The following DGLUCY variants were observed in gnomAD, a reference collection of about 807,000 sequenced individuals.
The protein encoded by DGLUCY is D-glutamate cyclase, mitochondrial.
In DGLUCY, 58 loss-of-function variants were observed where a neutral mutation model predicts 58.5. The ratio of observed to expected loss-of-function variants is 0.99; its 90% confidence interval spans 0.80 to 1.23. The LOEUF is 1.23. Ranked by LOEUF, DGLUCY falls within the 50% of genes most tolerant of loss-of-function variation. The pLI is 0.00. For synonymous variants in DGLUCY, 325 were observed against 314.1 expected (o/e 1.03, Z -0.37); for missense variants, 779 against 784.7 (o/e 0.99, Z 0.09).
At chr14:91,131,505 T>C (rs1017722598) in intron 1 of DGLUCY, among the ~76,000 whole-genome samples, 3 of 152,104 alleles carry the variant, frequency 2.0e-5, no homozygotes, top group Admixed American at 2.0e-4. Context: ...GTAGGGTACA[T>C]GTGCACAACG....
In DGLUCY at chr14:91,188,944, T is replaced by A; in HGVS notation, c.969T>A (p.Asp323Glu). 1 of 1,614,236 alleles carries A rather than the reference T, an allele frequency of 6.2e-7. No homozygotes were observed. The highest frequency in any genetic ancestry group is 8.5e-7 in the Non-Finnish European group (1 of 1,180,042). The change falls in exon 9 of 14, where the codon GAT (aspartate) becomes GAA (glutamate). Residue 323 changes from aspartate (D) to glutamate (E), a missense_variant. Transcript: ENST00000256324. ...NRGIGHLLCK[D>E]ELLKASLSLS... ...GGATTGGGCACCTGCTCTGTAAAGA[T>A]GAGCTGCTGAAGGCCTCTCTCTCGC...
intron 1 of DGLUCY, among the ~76,000 whole-genome samples, chr14:91,082,077 G>A (rs1178859154): frequency 6.6e-6 from 1 of 152,148 alleles, no homozygotes; most frequent in African/African-American, 2.4e-5. Context: ...CACAGGCTCT[G>A]GGGATTAGGA....
chr14:91,081,052 A>C (rs1482009946), intron 1 of DGLUCY, among the ~76,000 whole-genome samples: 1 of 152,144 alleles, frequency 6.6e-6, no homozygotes, highest in East Asian at 1.9e-4. Flanking sequence ...AAATACAAAA[A>C]ATTAGCTGGG....
intron 1 of DGLUCY, among the ~76,000 whole-genome samples, chr14:91,108,887 G>A (rs1047772500): frequency 3.3e-5 from 5 of 152,150 alleles, no homozygotes; most frequent in African/African-American, 9.7e-5. Context: ...TATTGGGGAC[G>A]ATTGGTCTAG....
At chr14:91,160,806 C>T (rs895411602) in intron 3 of DGLUCY, among the ~76,000 whole-genome samples, 10 of 152,088 alleles carry the variant, frequency 6.6e-5, no homozygotes, top group African/African-American at 2.4e-4. Context: ...CACCCATTTC[C>T]CTACTGTCTC....
chr14:91,104,342 G>A (rs184766961), upstream of DGLUCY, among the ~76,000 whole-genome samples: 97 of 152,026 alleles, frequency 6.4e-4, no homozygotes, highest in African/African-American at 2.2e-3. Flanking sequence ...GATTACAGGC[G>A]TGAGCCACCG....
At chr14:91,157,751 G>A (rs2047748600) in intron 2 of DGLUCY, 61 bp downstream of exon 2, 1 of 152,006 alleles carries the variant, frequency 6.6e-6, no homozygotes, top group African/African-American at 2.4e-5. Context: ...TGGGGTGCCT[G>A]GCACACTCCC....
chr14:91,139,899 G>T (rs2046552469), intron 1 of DGLUCY, among the ~76,000 whole-genome samples: 1 of 152,170 alleles, frequency 6.6e-6, no homozygotes, highest in Non-Finnish European at 1.5e-5. Flanking sequence ...TAAAAGGGGA[G>T]AAAGCAGGAT....
intron 12 of DGLUCY, among the ~76,000 whole-genome samples, chr14:91,207,514 T>G (rs531851395): frequency 4.3e-4 from 65 of 152,192 alleles, no homozygotes; most frequent in African/African-American, 1.5e-3. Context: ...CACCAAACCA[T>G]AGATCCGGGA....
At chr14:91,147,244 G>A (rs1353666221) in intron 1 of DGLUCY, among the ~76,000 whole-genome samples, 1 of 152,206 alleles carries the variant, frequency 6.6e-6, no homozygotes, top group Non-Finnish European at 1.5e-5. Flanking sequence ...ATGTGGCACT[G>A]TCACTGGTTT....
intron 1 of DGLUCY, among the ~76,000 whole-genome samples, chr14:91,142,681 G>A (rs949102185): frequency 6.6e-6 from 1 of 151,954 alleles, no homozygotes; most frequent in Admixed American, 6.6e-5. Flanking sequence ...AATCGTAGCT[G>A]GCCACGGTGG....
chr14:91,068,112 CA>C (rs1566928286), intron 1 of DGLUCY, among the ~76,000 whole-genome samples: 13 of 146,384 alleles, frequency 8.9e-5, no homozygotes, highest in Middle Eastern at 3.4e-3. Context: ...CACACACACA[CA>C]CACCCCTTGC....
At chr14:91,093,910 G>C (rs369035649) in intron 1 of DGLUCY, among the ~76,000 whole-genome samples, 4 of 151,996 alleles carry the variant, frequency 2.6e-5, no homozygotes, top group Non-Finnish European at 4.4e-5. Context: ...AACAGGTGAC[G>C]CCATAGAGGG....
chr14:91,186,672 ATGATGACTT>A (rs977427268), intron 8 of DGLUCY, among the ~76,000 whole-genome samples: 1 of 152,220 alleles, frequency 6.6e-6, no homozygotes, highest in Non-Finnish European at 1.5e-5. Context: ...GAACATGCCC[ATGATGACTT>A]TGTTAGGAAC....
intron 1 of DGLUCY, among the ~76,000 whole-genome samples, chr14:91,099,275 ATAATCCCAAT>A (rs1320516635): frequency 6.6e-6 from 1 of 151,980 alleles, no homozygotes; most frequent in African/African-American, 2.4e-5. Context: ...ACTCATGCCT[ATAATCCCAAT>A]ACTTTGGGAG....
chr14:91,195,796 G>A lies in DGLUCY; in HGVS notation c.1196-579G>A, dbSNP rs142268474. On this transcript the variant is annotated intron_variant, in intron 9 of 13. Coordinates refer to ENST00000256324, the MANE Select transcript of DGLUCY (RefSeq NM_001102368.3). ...AGCAATTCTCCTGCCTCAGCCTCCC[G>A]AGTAGCTGGAACTATAGGCGCTTGC... Among the ~76,000 whole-genome samples, 43 of 148,894 alleles carry A rather than the reference G, an allele frequency of 2.9e-4. No individual in the cohort carries two copies. In the East Asian group the frequency reaches 6.1e-3, roughly 21 times the overall value.
At chr14:91,185,007 GC>G (rs1368279564) in intron 8 of DGLUCY, among the ~76,000 whole-genome samples, 1 of 151,708 alleles carries the variant, frequency 6.6e-6, no homozygotes, top group African/African-American at 2.4e-5. Flanking sequence ...TCACTCTGTT[GC>G]CCAGGCTGGA....
intron 1 of DGLUCY, among the ~76,000 whole-genome samples, chr14:91,079,617 T>C (rs1472641788): frequency 6.6e-6 from 1 of 152,164 alleles, no homozygotes; most frequent in African/African-American, 2.4e-5. Flanking sequence ...AGTCCATAAT[T>C]TGGATTACAC....
At chr14:91,158,664 C>G (rs1040828432) in intron 2 of DGLUCY, among the ~76,000 whole-genome samples, 1 of 152,134 alleles carries the variant, frequency 6.6e-6, no homozygotes, top group African/African-American at 2.4e-5. Flanking sequence ...TGCTCTCATT[C>G]ATTCTGCAGT....
Sources: allele counts gnomAD v4.1 joint callset (sites outside exome capture counted in the v4.1 genomes callset), GRCh38; gene constraint gnomAD v4.1.1; transcripts MANE v1.5; gene names NCBI Gene and HGNC (gene_info 2026-07-23, HGNC 2026-07-21).